Variants in CDH18 observed in about 807,000 individuals in gnomAD.
CDH18 encodes the protein cadherin 18, also known as cadherin-18.
Under a neutral mutation model 67.9 loss-of-function variants are expected in CDH18, and 31 were observed. The ratio of observed to expected loss-of-function variants is 0.46; its 90% CI spans 0.34 to 0.62. The LOEUF (loss-of-function observed/expected upper bound fraction) is 0.62. CDH18 is among the 20% of genes least tolerant of loss of function. CDH18 has a pLI of 0.01. For synonymous variants in CDH18, 362 were observed against 347.2 expected, an observed-to-expected ratio of 1.04 and a Z score of -0.48; for missense variants, 890 against 975.5, an observed-to-expected ratio of 0.91 and a Z score of 1.17.
At chr5:19,972,971 AAT>A (rs1798169166) in intron 2 of CDH18, among the ~76,000 whole-genome samples, 1 of 152,012 alleles carries the variant, frequency 6.6e-6, no homozygotes, top group Non-Finnish European at 1.5e-5. Context: ...TATCTGAAGT[AAT>A]AGTCAATAAT....
Position 19,689,801 on chromosome 5 carries a change from C to T in CDH18, c.643+31546G>A, listed in dbSNP as rs537902845. ...TAAACCTGAATATAAATAAATTAGA[C>T]TTTTTACTTAAAATATTTAGACTGT... is the stretch of plus-strand genomic sequence containing the variant. On this transcript the variant is annotated intron_variant, in intron 5 of 12. Transcript: ENST00000382275. 8.6e-5 allele frequency among the ~76,000 whole-genome samples: 13 copies of T among 151,772 alleles called. No homozygotes were observed. The East Asian group carries it at 2.5e-3, about 29-fold the overall frequency.
At chr5:19,635,623 AAAAC>A (rs376353786) in intron 5 of CDH18, among the ~76,000 whole-genome samples, 24 of 152,246 alleles carry the variant, frequency 1.6e-4, no homozygotes, top group South Asian at 4.2e-4. Flanking sequence ...TATTTTGACC[AAAAC>A]AAACAAACAA....
chr5:19,595,878 A>C (rs1453138144), intron 6 of CDH18, among the ~76,000 whole-genome samples: 1 of 152,212 alleles, frequency 6.6e-6, no homozygotes, highest in African/African-American at 2.4e-5. Flanking sequence ...TGTTCAACCA[A>C]CATATCTTTT....
intron 1 of CDH18, among the ~76,000 whole-genome samples, chr5:20,552,619 T>G (rs1040548781): frequency 6.6e-6 from 1 of 152,236 alleles, no homozygotes; most frequent in Non-Finnish European, 1.5e-5. Flanking sequence ...TCAAAAAAGT[T>G]ATAAACTCAG....
At chr5:19,819,071 A>C (rs1487473770) in intron 3 of CDH18, among the ~76,000 whole-genome samples, 4 of 151,902 alleles carry the variant, frequency 2.6e-5, no homozygotes, top group Admixed American at 2.6e-4. Context: ...ACATGTATAT[A>C]TACATATATG....
intron 1 of CDH18, among the ~76,000 whole-genome samples, chr5:20,279,723 A>AC: frequency 6.7e-6 from 1 of 149,086 alleles, no homozygotes; most frequent in Non-Finnish European, 1.5e-5. Context: ...AAAAAAAAAA[A>AC]AAAAAGCAAA....
At chr5:19,793,719 CAAATAAA>C (rs1776587280) in intron 3 of CDH18, among the ~76,000 whole-genome samples, 2 of 151,978 alleles carry the variant, frequency 1.3e-5, no homozygotes, top group African/African-American at 4.8e-5. Flanking sequence ...GACAATAAAA[CAAATAAA>C]AACCAAGGTC....
chr5:20,291,893 G>C (rs2126736532), intron 1 of CDH18, among the ~76,000 whole-genome samples: 1 of 152,020 alleles, frequency 6.6e-6, no homozygotes, highest in Middle Eastern at 3.4e-3. Context: ...GTCTCCTCTG[G>C]CCCTACTGGC....
At chr5:20,555,457 T>C (rs1757855156) in intron 1 of CDH18, among the ~76,000 whole-genome samples, 1 of 120,924 alleles carries the variant, frequency 8.3e-6, no homozygotes, top group Admixed American at 9.5e-5. Flanking sequence ...TTTTCTTTTT[T>C]CTTTGAGACA....
At chr5:19,744,553 T>C (rs1769716552) in intron 4 of CDH18, among the ~76,000 whole-genome samples, 1 of 148,686 alleles carries the variant, frequency 6.7e-6, no homozygotes, top group Non-Finnish European at 1.5e-5. Flanking sequence ...TATTCCAGAG[T>C]TCACTGTTGA....
At chr5:19,599,060 T>C (rs1050697565) in intron 6 of CDH18, among the ~76,000 whole-genome samples, 6 of 152,154 alleles carry the variant, frequency 3.9e-5, no homozygotes, top group Admixed American at 3.3e-4. Context: ...CAATTGATAA[T>C]GTTTATTGCT....
chr5:20,553,231 G>A (rs970490770), intron 1 of CDH18, among the ~76,000 whole-genome samples: 6 of 152,100 alleles, frequency 3.9e-5, no homozygotes, highest in African/African-American at 1.4e-4. Context: ...ATTCCTCAAA[G>A]TTAATCTGGG....
At chr5:20,250,383 C>A (rs988551639) in intron 2 of CDH18, among the ~76,000 whole-genome samples, 1 of 151,932 alleles carries the variant, frequency 6.6e-6, no homozygotes, top group Admixed American at 6.6e-5. Flanking sequence ...ACCTCCGCCT[C>A]CCGGATTCAA....
At chr5:19,481,982 A>T (rs1739501236) in intron 12 of CDH18, among the ~76,000 whole-genome samples, 1 of 152,192 alleles carries the variant, frequency 6.6e-6, no homozygotes, top group Non-Finnish European at 1.5e-5. Flanking sequence ...CATTCTAAAG[A>T]GTTTATAGTT....
chr5:20,288,301 G>A (rs996344773), intron 1 of CDH18, among the ~76,000 whole-genome samples: 1 of 151,668 alleles, frequency 6.6e-6, no homozygotes, highest in East Asian at 1.9e-4. Flanking sequence ...GAATGTACAA[G>A]ATAAAAATAT....
chr5:19,971,692 G>A (rs538245635), intron 2 of CDH18, among the ~76,000 whole-genome samples: 1 of 151,966 alleles, frequency 6.6e-6, no homozygotes, highest in African/African-American at 2.4e-5. Flanking sequence ...GGACCTTTCC[G>A]AAGGTGGAGG....
chr5:19,950,259 A>G (rs1795664722), intron 2 of CDH18, among the ~76,000 whole-genome samples: 1 of 152,066 alleles, frequency 6.6e-6, no homozygotes, highest in Non-Finnish European at 1.5e-5. Context: ...TTTAAGTGAA[A>G]TAACTCAGGA....
chr5:19,688,534 T>C (rs1436585541), intron 5 of CDH18, among the ~76,000 whole-genome samples: 2 of 152,062 alleles, frequency 1.3e-5, no homozygotes, highest in African/African-American at 4.8e-5. Context: ...TACATCTTTA[T>C]AAAAAAGTCT....
intron 2 of CDH18, among the ~76,000 whole-genome samples, chr5:20,133,255 G>T (rs1728337605): frequency 1.3e-5 from 2 of 152,190 alleles, no homozygotes; most frequent in African/African-American, 4.8e-5. Flanking sequence ...TGGATGCACA[G>T]TTCCACATGG....
Sources: gnomAD v4.1 joint callset for allele counts (sites outside exome capture counted in the v4.1 genomes callset) on GRCh38, gnomAD v4.1.1 for gene constraint, MANE v1.5 for transcripts, NCBI Gene and HGNC (gene_info 2026-07-23, HGNC 2026-07-21) for gene names.